DCDC1: variants seen among roughly 807,000 people sequenced by gnomAD.
DCDC1 encodes doublecortin domain-containing protein 1.
A neutral mutation model predicts 178.3 loss-of-function variants in DCDC1; 200 were observed. The ratio of observed to expected loss-of-function variants is 1.12; its 90% CI spans 1.00 to 1.26. DCDC1 has a LOEUF of 1.26. DCDC1 is among the 50% of genes most tolerant of loss of function. The pLI is 0.00. For synonymous variants in DCDC1, 690 were observed against 604.8 expected (o/e 1.14, Z -2.07); for missense variants, 1,983 against 1,749.2 (o/e 1.13, Z -2.38).
At chr11:31,068,376 C>G (rs1181273588) in intron 18 of DCDC1, among the ~76,000 whole-genome samples, 1 of 152,098 alleles carries the variant, frequency 6.6e-6, no homozygotes, top group Non-Finnish European at 1.5e-5. Flanking sequence ...TGTGTACTCC[C>G]TTTGACTTAA....
chr11:30,925,230 A>G (rs1477349192), intron 23 of DCDC1, 79 bp downstream of exon 23: 3 of 1,226,856 alleles, frequency 2.4e-6, no homozygotes, highest in African/African-American at 1.5e-5. Flanking sequence ...AAGCATTTGA[A>G]GACTTATATT....
intron 22 of DCDC1, among the ~76,000 whole-genome samples, chr11:30,927,244 C>A (rs993657095): frequency 1.3e-5 from 2 of 151,900 alleles, no homozygotes; most frequent in Non-Finnish European, 2.9e-5. Flanking sequence ...ATGTAATGAT[C>A]CCTTGATTAT....
At chr11:30,943,396 T>C (rs983423222) in intron 21 of DCDC1, 4 of 202,194 alleles carry the variant, frequency 2.0e-5, no homozygotes, top group African/African-American at 9.4e-5. Flanking sequence ...CTACTTATTA[T>C]CATCTCTCAA....
At chr11:31,092,138 T>C (rs1957858187) in intron 16 of DCDC1, among the ~76,000 whole-genome samples, 1 of 152,170 alleles carries the variant, frequency 6.6e-6, no homozygotes, top group Non-Finnish European at 1.5e-5. Context: ...ACTGGAGATT[T>C]ATGGCACGTA....
chr11:30,983,372 A>G (rs1297703719), intron 20 of DCDC1, among the ~76,000 whole-genome samples: 1 of 152,206 alleles, frequency 6.6e-6, no homozygotes, highest in Admixed American at 6.5e-5. Context: ...GAAACACAAT[A>G]TTGCGAAATG....
intron 14 of DCDC1, among the ~76,000 whole-genome samples, 153 bp downstream of exon 14, chr11:31,103,491 C>T (rs575534812): frequency 2.0e-5 from 3 of 152,226 alleles, no homozygotes; most frequent in African/African-American, 7.2e-5. Flanking sequence ...CCTCATTATA[C>T]CATTAAATAA....
intron 36 of DCDC1, among the ~76,000 whole-genome samples, chr11:30,888,084 GAAAGAAAGAAAGAA>G (rs1943383137): frequency 1.1e-5 from 1 of 91,202 alleles, no homozygotes; most frequent in African/African-American, 4.1e-5. Flanking sequence ...GAGAGAGAGA[GAAAGAAAGAAAGAA>G]AAAGAAAGAA....
intron 21 of DCDC1, among the ~76,000 whole-genome samples, chr11:30,936,366 T>C (rs1395693584): frequency 6.6e-6 from 1 of 150,990 alleles, no homozygotes; most frequent in Non-Finnish European, 1.5e-5. Context: ...TTAGTTTCTA[T>C]GATTAGTTTG....
Position 30,909,932 on chromosome 11 carries a change from AC to A in DCDC1, c.3748-817del, listed in dbSNP as rs554357036. On this transcript the variant is annotated intron_variant, in intron 28 of 38. Transcript: ENST00000684477. ...TAAATATGTCATAACACCTCAAGGA[AC>A]TTTTATAATTAATAACATCTACTTT... Among the ~76,000 whole-genome samples the A allele has an allele frequency of 1.2e-3, 181 of 152,316 alleles. 1 individual carries two copies. Among genetic ancestry groups the A allele is most frequent in the Non-Finnish European group, 1.8e-3 (125 of 68,006 alleles).
chr11:30,956,884 C>T (rs2134532120), intron 20 of DCDC1, among the ~76,000 whole-genome samples: 1 of 152,302 alleles, frequency 6.6e-6, no homozygotes. Flanking sequence ...CCATTGACTC[C>T]AACCCCTGAG....
chr11:30,938,802 C>T (rs1223802619), intron 21 of DCDC1, among the ~76,000 whole-genome samples: 2 of 152,144 alleles, frequency 1.3e-5, no homozygotes, highest in Non-Finnish European at 2.9e-5. Flanking sequence ...TTCCCCAAGC[C>T]TGTAACATCC....
intron 9 of DCDC1, among the ~76,000 whole-genome samples, chr11:31,225,790 T>C (rs1044032817): frequency 6.6e-6 from 1 of 151,422 alleles, no homozygotes; most frequent in Non-Finnish European, 1.5e-5. Flanking sequence ...GAAGAAAGGA[T>C]TTGATCGAGT....
intron 20 of DCDC1, among the ~76,000 whole-genome samples, chr11:30,975,967 A>G (rs2134736705): frequency 6.6e-6 from 1 of 152,188 alleles, no homozygotes; most frequent in Non-Finnish European, 1.5e-5. Flanking sequence ...ATATATTACA[A>G]GGCTACAGTG....
intron 9 of DCDC1, among the ~76,000 whole-genome samples, chr11:31,236,224 T>C (rs1976445111): frequency 6.6e-6 from 1 of 152,042 alleles, no homozygotes; most frequent in African/African-American, 2.4e-5. Context: ...CTGTAATAAT[T>C]ACCTATGCAC....
At chr11:31,068,766 G>T (rs1290140329) in intron 18 of DCDC1, among the ~76,000 whole-genome samples, 1 of 151,768 alleles carries the variant, frequency 6.6e-6, no homozygotes, top group East Asian at 1.9e-4. Context: ...AATAATTTTT[G>T]GGAATATACA....
chr11:31,302,452 T>C (rs1032072051), intron 6 of DCDC1, among the ~76,000 whole-genome samples: 1 of 152,282 alleles, frequency 6.6e-6, no homozygotes, highest in South Asian at 2.1e-4. Flanking sequence ...CAATGAATTA[T>C]TAATAAATGT....
chr11:30,876,490 T>TCGC (rs1158248597), intron 38 of DCDC1, among the ~76,000 whole-genome samples: 1 of 152,196 alleles, frequency 6.6e-6, no homozygotes, highest in African/African-American at 2.4e-5. Flanking sequence ...AAAGTAAGTG[T>TCGC]CGCTGCCTTG....
intron 20 of DCDC1, among the ~76,000 whole-genome samples, chr11:31,036,069 T>C (rs1954005684): frequency 6.6e-6 from 1 of 152,236 alleles, no homozygotes; most frequent in Admixed American, 6.5e-5. Flanking sequence ...CCTAGCTTTT[T>C]GGGACCAATC....
At chr11:31,310,540 C>CA (rs943482440) in intron 3 of DCDC1, among the ~76,000 whole-genome samples, 7 of 151,898 alleles carry the variant, frequency 4.6e-5, no homozygotes, top group African/African-American at 1.7e-4. Context: ...AGGATGGTCT[C>CA]AATCTCCTGA....
Sources: gnomAD v4.1 joint callset for allele counts (sites outside exome capture counted in the v4.1 genomes callset) on GRCh38, gnomAD v4.1.1 for gene constraint, MANE v1.5 for transcripts, NCBI Gene and HGNC (gene_info 2026-07-23, HGNC 2026-07-21) for gene names.